TMEM181: variants seen among roughly 807,000 people sequenced by gnomAD.
TMEM181 encodes the protein transmembrane protein 181, also known as G protein-coupled receptor 178.
A neutral mutation model predicts 71.9 loss-of-function variants in TMEM181; 39 were observed. The ratio of observed to expected loss-of-function variants is 0.54; its 90% CI spans 0.42 to 0.71. The LOEUF is 0.71. Ranked by LOEUF, TMEM181 falls within the 30% of genes least tolerant of loss-of-function variation. The pLI is 0.00. For missense variants in TMEM181, 595 were observed against 583.0 expected, an observed-to-expected ratio of 1.02 and a Z score of -0.21; for synonymous variants, 245 against 228.8, an observed-to-expected ratio of 1.07 and a Z score of -0.64.
At chr6:158,556,772 AT>A (rs34748175), upstream of TMEM181, among the ~76,000 whole-genome samples, 1 of 151,512 alleles carries the variant, frequency 6.6e-6, no homozygotes, top group Non-Finnish European at 1.5e-5. Flanking sequence ...TGTTTTTGGT[AT>A]TTTTTTTGAG....
intron 13 of TMEM181, chr6:158,626,640 AT>A (rs1288442266): frequency 2.9e-6 from 1 of 344,270 alleles, no homozygotes; most frequent in Non-Finnish European, 6.1e-6. Flanking sequence ...CTCAAATTTC[AT>A]TCAGCATCAA....
chr6:158,616,626 A>G (rs556191383), intron 10 of TMEM181, among the ~76,000 whole-genome samples: 192 of 152,314 alleles, frequency 1.3e-3, no homozygotes, highest in African/African-American at 4.5e-3. Flanking sequence ...TGGGTTTGTC[A>G]TAAATAGCTC....
intron 2 of TMEM181, among the ~76,000 whole-genome samples, chr6:158,576,488 G>C (rs1469958650): frequency 6.6e-6 from 1 of 151,908 alleles, no homozygotes; most frequent in Non-Finnish European, 1.5e-5. Flanking sequence ...TTACCCCTTC[G>C]TTTTTGCCTT....
At chr6:158,608,619 G>A in intron 9 of TMEM181, 40 bp from the exon 10 acceptor site, 1 of 1,597,122 alleles carries the variant, frequency 6.3e-7, no homozygotes, top group Non-Finnish European at 8.5e-7. Context: ...TTACCAATTT[G>A]GTTTTCTTTA....
chr6:158,592,371 G>A (rs1036804996), intron 6 of TMEM181, among the ~76,000 whole-genome samples: 1 of 152,186 alleles, frequency 6.6e-6, no homozygotes, highest in Non-Finnish European at 1.5e-5. Context: ...TGGGCCGGGG[G>A]CAGTAGCTTA....
At chr6:158,553,586 T>G (rs952723528) in intron 1 of TMEM181, among the ~76,000 whole-genome samples, 2 of 152,230 alleles carry the variant, frequency 1.3e-5, no homozygotes, top group Non-Finnish European at 2.9e-5. Context: ...GTGTTTATAG[T>G]TTTATAATCT....
intron 1 of TMEM181, among the ~76,000 whole-genome samples, chr6:158,545,966 T>C (rs537886394): frequency 6.6e-6 from 1 of 152,316 alleles, no homozygotes; most frequent in East Asian, 1.9e-4. Context: ...CTTCAAGTCT[T>C]GTGAGGACTT....
At chr6:158,597,985 G>T (rs918436862) in intron 6 of TMEM181, among the ~76,000 whole-genome samples, 2 of 152,178 alleles carry the variant, frequency 1.3e-5, no homozygotes, top group African/African-American at 4.8e-5. Context: ...TATCCCTCTT[G>T]TATCAGCTCT....
chr6:158,620,987 A>G lies in TMEM181; in HGVS notation c.897-2563A>G, dbSNP rs1785922220. 6.6e-6 allele frequency among the ~76,000 whole-genome samples: 1 copy of G among 152,236 alleles called. No homozygotes were observed. Among genetic ancestry groups the G allele is most frequent in the African/African-American group, 2.4e-5 (1 of 41,452 alleles). ...TTAAGCGTTCAGGGTGGGAGAGCTT[A>G]TCACAGGCTCGAAATGTTTCTGTGT... is the stretch of plus-strand genomic sequence containing the variant. On this transcript the variant is annotated intron_variant, in intron 10 of 16. Transcript: ENST00000684151. The surrounding 1 kb of genome is among the most constrained non-coding windows in gnomAD (Gnocchi z 4.5).
At chr6:158,583,823 C>G (rs534407793) in intron 3 of TMEM181, 131 bp from the exon 4 acceptor site, 1 of 606,484 alleles carries the variant, frequency 1.6e-6, no homozygotes, top group South Asian at 2.6e-5. Flanking sequence ...AGGAAAACCT[C>G]ACATATTTCT....
At chr6:158,618,929 C>G (rs1397605161) in intron 10 of TMEM181, among the ~76,000 whole-genome samples, 1 of 152,122 alleles carries the variant, frequency 6.6e-6, no homozygotes, top group African/African-American at 2.4e-5. Context: ...AACATTTTTT[C>G]GTTCATTTCA....
intron 6 of TMEM181, among the ~76,000 whole-genome samples, chr6:158,602,715 T>C (rs1784736608): frequency 6.6e-6 from 1 of 152,034 alleles, no homozygotes; most frequent in Non-Finnish European, 1.5e-5. Context: ...TAGCTGTGAA[T>C]ACAGGCGCAC....
chr6:158,566,709 T>C (rs1343296090), intron 1 of TMEM181, among the ~76,000 whole-genome samples: 6 of 137,492 alleles, frequency 4.4e-5, no homozygotes, highest in East Asian at 4.3e-4. Flanking sequence ...TTGAGGGAGG[T>C]GATGGGGTGA....
In TMEM181 at chr6:158,624,691, G is replaced by A. The variant is rs560410078; in HGVS notation, c.955-413G>A. The stretch of plus-strand genomic sequence containing the variant: ...GGGAATGGTTGATGGTTAAGACGGC[G>A]CGTGGATTCCCAGGGCCTAGCCTGG... On this transcript the variant is annotated intron_variant, in intron 11 of 16. Transcript: ENST00000684151. Among the ~76,000 whole-genome samples the A allele has an allele frequency of 4.6e-5, 7 of 152,328 alleles. No homozygotes were observed. The East Asian group carries it at 1.2e-3, about 25-fold the overall frequency.
Position 158,580,428 on chromosome 6 carries a change from CTA to C in TMEM181, c.113-510_113-509del, listed in dbSNP as rs1181722272. Among the ~76,000 whole-genome samples, 3 of 152,098 alleles carry C rather than the reference CTA, an allele frequency of 2.0e-5. No homozygotes were observed. The East Asian group carries it at 5.8e-4, about 29-fold the overall frequency. ...GTCACAGTAAAAATTGGAAAAAAAA[CTA>C]TGAGGTTCGTATACCTATTAGTTAA... On this transcript the variant is annotated intron_variant, in intron 2 of 16. Coordinates refer to ENST00000684151, the MANE Select transcript of TMEM181 (RefSeq NM_001376852.1).
At chr6:158,566,343 C>T (rs999508535) in intron 1 of TMEM181, among the ~76,000 whole-genome samples, 2 of 151,424 alleles carry the variant, frequency 1.3e-5, no homozygotes, top group Non-Finnish European at 2.9e-5. Flanking sequence ...GATGAGATTA[C>T]CAAGGGAGTG....
intron 10 of TMEM181, chr6:158,609,649 C>T (rs533956783): frequency 1.3e-4 from 26 of 206,336 alleles, no homozygotes; most frequent in Middle Eastern, 9.9e-4. Flanking sequence ...GCCTGTATTA[C>T]GTCAGGTTGC....
At chr6:158,613,657 G>T (rs1469020219) in intron 10 of TMEM181, among the ~76,000 whole-genome samples, 1 of 152,168 alleles carries the variant, frequency 6.6e-6, no homozygotes, top group Non-Finnish European at 1.5e-5. Flanking sequence ...TTCCTTAAAG[G>T]AGAGCACACC....
intron 1 of TMEM181, among the ~76,000 whole-genome samples, chr6:158,539,976 C>G (rs1210127259): frequency 6.6e-6 from 1 of 152,172 alleles, no homozygotes; most frequent in Non-Finnish European, 1.5e-5. Context: ...ATACACATAA[C>G]AGAAAAACCA....
Sources: gnomAD v4.1 joint callset for allele counts (sites outside exome capture counted in the v4.1 genomes callset) on GRCh38, gnomAD v4.1.1 for gene constraint, Gnocchi (gnomAD v3.1) non-coding constraint, MANE v1.5 for transcripts, NCBI Gene and HGNC (gene_info 2026-07-23, HGNC 2026-07-21) for gene names.